PLCH1: variants seen among roughly 807,000 people sequenced by gnomAD.
PLCH1 encodes the protein phospholipase C eta 1.
In PLCH1, 60 loss-of-function variants were observed where a neutral mutation model predicts 126.7. The observed-to-expected ratio is 0.47, with a 90% confidence interval of 0.38 to 0.59. PLCH1 has a LOEUF of 0.59. PLCH1 is among the 20% of genes least tolerant of loss of function. PLCH1 has a pLI of 0.00. For synonymous variants in PLCH1, 719 were observed against 734.9 expected (o/e 0.98, Z 0.35); for missense variants, 1,723 against 2,040.0 (o/e 0.84, Z 2.99).
chr3:155,486,691 A>AT (rs1470497336), intron 21 of PLCH1, among the ~76,000 whole-genome samples: 1 of 150,772 alleles, frequency 6.6e-6, no homozygotes, highest in Non-Finnish European at 1.5e-5. Context: ...CGCCCGGCTA[A>AT]TTTTTTGTAT....
intron 1 of PLCH1, among the ~76,000 whole-genome samples, chr3:155,737,304 T>A (rs1749273613): frequency 6.6e-6 from 1 of 151,172 alleles, no homozygotes; most frequent in South Asian, 2.1e-4. Context: ...ATCAACTTCT[T>A]AATTCTTGTG....
intron 2 of PLCH1, among the ~76,000 whole-genome samples, chr3:155,671,223 C>T (rs999423963): frequency 6.6e-6 from 1 of 152,076 alleles, no homozygotes; most frequent in Admixed American, 6.6e-5. Flanking sequence ...TTCCTTGCCT[C>T]TAAAATGAAT....
At chr3:155,620,929 C>G (rs540275795) in intron 2 of PLCH1, among the ~76,000 whole-genome samples, 1 of 152,344 alleles carries the variant, frequency 6.6e-6, no homozygotes, top group African/African-American at 2.4e-5. Context: ...CAGACTGCCT[C>G]CTCAAGTGGG....
intron 14 of PLCH1, among the ~76,000 whole-genome samples, chr3:155,497,774 GC>G (rs1242753248): frequency 6.6e-6 from 1 of 152,116 alleles, no homozygotes; most frequent in Non-Finnish European, 1.5e-5. Context: ...CAGTGCAGTG[GC>G]GCATTCTTGG....
intron 10 of PLCH1, among the ~76,000 whole-genome samples, chr3:155,538,944 A>AT (rs1723832731): frequency 1.9e-5 from 1 of 52,558 alleles, no homozygotes; most frequent in Non-Finnish European, 9.8e-5. Flanking sequence ...AAAGGACATA[A>AT]CAAAAAAAAA....
intron 11 of PLCH1, among the ~76,000 whole-genome samples, chr3:155,518,418 C>T (rs1427629295): frequency 6.6e-6 from 1 of 152,156 alleles, no homozygotes; most frequent in Non-Finnish European, 1.5e-5. Context: ...GGCTGAATTG[C>T]AGCTTGAACC....
intron 8 of PLCH1, among the ~76,000 whole-genome samples, chr3:155,563,732 C>T (rs1416570381): frequency 1.3e-5 from 2 of 152,036 alleles, no homozygotes; most frequent in African/African-American, 4.8e-5. Context: ...ATATTAAAAC[C>T]TTTCACTGGC....
At chr3:155,744,191 A>C (rs139489498) in intron 1 of PLCH1, among the ~76,000 whole-genome samples, 1 of 152,148 alleles carries the variant, frequency 6.6e-6, no homozygotes, top group Non-Finnish European at 1.5e-5. Flanking sequence ...TCGGACCCGC[A>C]GCTCAGTCGC....
At chr3:155,542,515 A>C (rs867963060) in intron 10 of PLCH1, among the ~76,000 whole-genome samples, 12 of 152,278 alleles carry the variant, frequency 7.9e-5, no homozygotes, top group Middle Eastern at 3.4e-3. Flanking sequence ...TCCCCGTCTG[A>C]CAGCTTTGAA....
rs1457413484 is a variant in PLCH1, at chr3:155,594,155, C to G, written c.256G>C (p.Glu86Gln). Residue 86 changes from glutamate (E) to glutamine (Q), a missense_variant, in exon 4 of 23, where the codon GAG (glutamate) becomes CAG (glutamine). Physicochemically the swap from Glu to Gln is conservative, Grantham distance 29 (BLOSUM62 2). Around this residue, in one of 2 missense-constraint regions of PLCH1, gnomAD observed 776 missense variants for 1,062.9 expected, o/e 0.73. Transcript: ENST00000460012. ...TGGAATATTTCAGACTGCCGGCCCT[C>G]AGTCACTTTGTAAATGGAATCAATA... ...ILIDSIYKVTEGRQSEIFHRQ... is the reference protein window; with the variant it reads ...ILIDSIYKVTQGRQSEIFHRQ... The G allele has an allele frequency of 1.2e-6, 2 of 1,613,832 alleles. No homozygotes were observed. Among genetic ancestry groups the G allele is most frequent in the Non-Finnish European group, 1.7e-6 (2 of 1,179,896 alleles).
At chr3:155,735,696 A>C (rs1190507336) in intron 1 of PLCH1, among the ~76,000 whole-genome samples, 2 of 151,796 alleles carry the variant, frequency 1.3e-5, no homozygotes, top group Admixed American at 1.3e-4. Flanking sequence ...AAAGAAAAAG[A>C]TAAAAAAAGT....
chr3:155,668,931 T>C (rs957306351), intron 2 of PLCH1, among the ~76,000 whole-genome samples: 3 of 152,084 alleles, frequency 2.0e-5, no homozygotes, highest in Non-Finnish European at 2.9e-5. Flanking sequence ...AAGAGTAGAA[T>C]GGGATGGCTT....
intron 21 of PLCH1, among the ~76,000 whole-genome samples, chr3:155,473,741 G>T (rs1251402165): frequency 1.3e-5 from 2 of 151,194 alleles, no homozygotes; most frequent in African/African-American, 2.4e-5. Context: ...TAGATCAATG[G>T]AACAGAACAG....
Position 155,586,393 on chromosome 3 carries a change from G to A in PLCH1, c.471-199C>T, listed in dbSNP as rs575608961. 3.9e-4 allele frequency among the ~76,000 whole-genome samples: 60 copies of A among 152,286 alleles called. No homozygotes were observed. The East Asian group carries it at 0.01, about 26-fold the overall frequency. On this transcript the variant is annotated intron_variant, in intron 4 of 22. Coordinates refer to ENST00000460012, the MANE Select transcript of PLCH1 (RefSeq NM_014996.4). ...TGACAACAACAAACCAGGAATGGAA[G>A]GGAAACACATAAAGGGGGTAAGGGG...
At chr3:155,512,601 A>G (rs200606560) in intron 12 of PLCH1, among the ~76,000 whole-genome samples, 2 of 152,166 alleles carry the variant, frequency 1.3e-5, no homozygotes, top group Non-Finnish European at 2.9e-5. Flanking sequence ...GGCCAAGAAA[A>G]CAGCCAATAT....
chr3:155,699,537 T>TA (rs916664938), intron 2 of PLCH1, among the ~76,000 whole-genome samples: 14 of 152,260 alleles, frequency 9.2e-5, no homozygotes, highest in African/African-American at 3.1e-4. Flanking sequence ...TACTCTAACA[T>TA]AAAATCTAGT....
chr3:155,678,388 C>T (rs959975862), intron 2 of PLCH1, among the ~76,000 whole-genome samples: 2 of 152,156 alleles, frequency 1.3e-5, no homozygotes, highest in Non-Finnish European at 2.9e-5. Flanking sequence ...GGTGGGCAAG[C>T]TTTTAAAAAG....
intron 2 of PLCH1, among the ~76,000 whole-genome samples, chr3:155,676,818 G>A (rs1744130342): frequency 6.6e-6 from 1 of 151,676 alleles, no homozygotes; most frequent in African/African-American, 2.4e-5. Context: ...ACACTTACTC[G>A]GTGGAGGCTA....
chr3:155,658,922 TA>T (rs1741763434), intron 2 of PLCH1, among the ~76,000 whole-genome samples: 1 of 152,242 alleles, frequency 6.6e-6, no homozygotes, highest in Non-Finnish European at 1.5e-5. Context: ...ATTAAGAAGT[TA>T]ATCTTACTTA....
Sources: allele counts gnomAD v4.1 joint callset (sites outside exome capture counted in the v4.1 genomes callset), GRCh38; gene constraint gnomAD v4.1.1; regional missense constraint gnomAD v4.1.1; transcripts MANE v1.5; gene names NCBI Gene and HGNC (gene_info 2026-07-23, HGNC 2026-07-21).